The following ABCA12 variants were observed in gnomAD, a reference collection of about 807,000 sequenced individuals.
The protein encoded by ABCA12 is ATP binding cassette subfamily A member 12, also known as glucosylceramide transporter ABCA12.
A neutral mutation model predicts 293.5 loss-of-function variants in ABCA12; 156 were observed. That is an observed-to-expected ratio of 0.53 (90% CI 0.47 to 0.61). ABCA12 has a LOEUF of 0.61. ABCA12 is among the 20% of genes least tolerant of loss of function. The probability of loss-of-function intolerance (pLI) is 0.00; values close to 1 mark genes in which losing one functional copy is unlikely to be tolerated. For missense variants in ABCA12, 2,797 were observed against 3,090.2 expected, an observed-to-expected ratio of 0.91 and a Z score of 2.25; for synonymous variants, 1,063 against 1,108.0, an observed-to-expected ratio of 0.96 and a Z score of 0.81.
intron 22 of ABCA12, 76 bp downstream of exon 22, chr2:215,000,629 A>G: frequency 1.3e-6 from 2 of 1,542,736 alleles, no homozygotes; most frequent in Non-Finnish European, 1.8e-6. Flanking sequence ...CATGTAATAC[A>G]TCTGAATGAA....
intron 23 of ABCA12, among the ~76,000 whole-genome samples, chr2:214,994,436 G>A (rs13035294): frequency 0.14 from 21,066 of 152,208 alleles, 1,788 homozygotes; most frequent in Admixed American, 0.22. Context: ...AGAGATTCTA[G>A]AAGAGTTTGG....
Position 214,954,102 on chromosome 2 carries a change from T to C in ABCA12, c.6399A>G (p.Leu2133=). Reference sequence around the variant, plus strand: ...GCTTGAGGGTTTCAGAAATAAGTTCTAAAGTCTGAAATAAGAGAAATAAAA... The same window carrying C: ...GCTTGAGGGTTTCAGAAATAAGTTCCAAAGTCTGAAATAAGAGAAATAAAA... ...LSKEKPNDPT[L]ELISETLKRI... is the part of the protein sequence containing the mutation. The change falls in exon 44 of 53, where the codon TTA becomes TTG. Residue 2133 remains leucine (L), a synonymous_variant. Transcript: ENST00000272895. 2 of 1,613,632 alleles carry C rather than the reference T, an allele frequency of 1.2e-6. No homozygotes were observed. Among genetic ancestry groups the C allele is most frequent in the Non-Finnish European group, 1.7e-6 (2 of 1,179,936 alleles).
At chr2:214,989,195 T>TATATATATATATATAC (rs2105974755) in intron 26 of ABCA12, 134 bp downstream of exon 26, 1 of 130,466 alleles carries the variant, frequency 7.7e-6, no homozygotes, top group African/African-American at 3.1e-5. Context: ...TACATATATA[T>TATATATATATATATAC]ATATATATAT....
At chr2:214,975,595 T>C (rs1415379015) in intron 34 of ABCA12, among the ~76,000 whole-genome samples, 190 bp downstream of exon 34, 3 of 152,128 alleles carry the variant, frequency 2.0e-5, no homozygotes, top group African/African-American at 7.2e-5. Flanking sequence ...GCAAAAACTC[T>C]GAAAAAAACT....
chr2:215,031,551 C>A (rs1700877545), intron 9 of ABCA12, among the ~76,000 whole-genome samples: 2 of 152,202 alleles, frequency 1.3e-5, no homozygotes, highest in East Asian at 1.9e-4. Context: ...CATAAGGTAA[C>A]CAATCCAGAC....
At chr2:215,011,409 A>G in intron 17 of ABCA12, 30 bp downstream of exon 17, 4 of 1,505,114 alleles carry the variant, frequency 2.7e-6, no homozygotes, top group Non-Finnish European at 3.7e-6. Context: ...ATTAAGGGCA[A>G]CTGTCATGCT....
intron 2 of ABCA12, among the ~76,000 whole-genome samples, chr2:215,106,311 T>C (rs988465079): frequency 6.6e-6 from 1 of 152,210 alleles, no homozygotes; most frequent in East Asian, 1.9e-4. Context: ...ATTTTTTTTT[T>C]CCCAGAGCTA....
At chr2:215,100,373 C>CT (rs953727242) in intron 2 of ABCA12, among the ~76,000 whole-genome samples, 2 of 151,926 alleles carry the variant, frequency 1.3e-5, no homozygotes, top group South Asian at 4.2e-4. Context: ...TGCATATTCA[C>CT]TTTTTTTTCT....
chr2:215,050,751 T>A (rs1575011253), intron 5 of ABCA12: 1 of 978,002 alleles, frequency 1.0e-6, no homozygotes, highest in Non-Finnish European at 1.2e-6. Flanking sequence ...GGCCTTCTAG[T>A]CATTCATCCG....
chr2:215,032,156 A>C, intron 8 of ABCA12: 1 of 1,294,256 alleles, frequency 7.7e-7, no homozygotes, highest in Non-Finnish European at 1.0e-6. Flanking sequence ...TTGTCTGTGC[A>C]TCAAGCCACT....
intron 2 of ABCA12, among the ~76,000 whole-genome samples, chr2:215,066,900 T>C (rs1252894480): frequency 6.6e-6 from 1 of 152,176 alleles, no homozygotes; most frequent in Non-Finnish European, 1.5e-5. Context: ...ATTAAGTATC[T>C]ACTGTATCCC....
chr2:215,049,871 T>C (rs1701284277), intron 5 of ABCA12, 60 bp from the exon 6 acceptor site: 2 of 1,476,944 alleles, frequency 1.4e-6, no homozygotes, highest in African/African-American at 1.4e-5. Context: ...TGTTCAAATA[T>C]TCTATTCTTC....
At chr2:215,031,761 T>G in intron 9 of ABCA12, 60 bp downstream of exon 9, 1 of 1,595,980 alleles carries the variant, frequency 6.3e-7, no homozygotes, top group South Asian at 1.1e-5. Flanking sequence ...TGTTTAGAAA[T>G]TGTTTTGATT....
chr2:215,117,978 A>G (rs1702719380), intron 1 of ABCA12, among the ~76,000 whole-genome samples: 1 of 152,216 alleles, frequency 6.6e-6, no homozygotes, highest in South Asian at 2.1e-4. Context: ...TTCATCACAG[A>G]TGTCACCATT....
At chr2:214,949,377 TACACAC>T (rs368602071) in intron 45 of ABCA12, among the ~76,000 whole-genome samples, 7 of 143,070 alleles carry the variant, frequency 4.9e-5, no homozygotes, top group Non-Finnish European at 9.1e-5. Flanking sequence ...TATATATATA[TACACAC>T]ACACACACAC....
chr2:215,025,648 T>A, intron 11 of ABCA12, 25 bp downstream of exon 11: 1 of 1,264,418 alleles, frequency 7.9e-7, no homozygotes. Context: ...TTGTTTTTTG[T>A]TTTTTTTTTA....
chr2:214,956,924 C>T, intron 41 of ABCA12, 146 bp from the exon 42 acceptor site: 2 of 643,358 alleles, frequency 3.1e-6, no homozygotes, highest in Non-Finnish European at 5.6e-6. Flanking sequence ...CCCATTGCTT[C>T]TAACATTCAA....
At chr2:215,002,295 A>G (rs1003054947) in intron 20 of ABCA12, among the ~76,000 whole-genome samples, 1 of 152,202 alleles carries the variant, frequency 6.6e-6, no homozygotes, top group Non-Finnish European at 1.5e-5. Flanking sequence ...TCTTATGTGT[A>G]TATCTTAAAA....
At chr2:215,105,969 G>A (rs947248799) in intron 2 of ABCA12, among the ~76,000 whole-genome samples, 1 of 152,012 alleles carries the variant, frequency 6.6e-6, no homozygotes, top group Non-Finnish European at 1.5e-5. Flanking sequence ...AATCAAGATA[G>A]CAAATGAAAT....
Sources: gnomAD v4.1 joint callset for allele counts (sites outside exome capture counted in the v4.1 genomes callset) on GRCh38, gnomAD v4.1.1 for gene constraint, MANE v1.5 for transcripts, NCBI Gene and HGNC (gene_info 2026-07-23, HGNC 2026-07-21) for gene names.